SMYD5: variants seen among roughly 807,000 people sequenced by gnomAD.
The protein encoded by SMYD5 is protein-lysine N-trimethyltransferase SMYD5.
SMYD5 carries 35 observed loss-of-function variants against 57.4 expected under a neutral mutation model. The observed-to-expected ratio is 0.61, with a 90% CI of 0.47 to 0.81. The LOEUF (loss-of-function observed/expected upper bound fraction) is 0.81. SMYD5 is among the 30% of genes least tolerant of loss of function. SMYD5 has a pLI of 0.00. For missense variants in SMYD5, 471 were observed against 527.9 expected (o/e 0.89, Z 1.06); for synonymous variants, 198 against 189.7 (o/e 1.04, Z -0.36).
chr2:73,221,717 C>A, intron 5 of SMYD5, 109 bp from the exon 6 acceptor site: 1 of 758,004 alleles, frequency 1.3e-6, no homozygotes. Context: ...AAGCCTCAGG[C>A]AGAGGAAGGG....
rs748746353 is a variant in SMYD5 at position 73,223,999 on chromosome 2, C to T, written c.936C>T (p.Ser312=). 13 of 1,613,926 alleles carry T rather than the reference C, an allele frequency of 8.1e-6. No individual in the cohort carries two copies. The South Asian group carries it at 1.3e-4, about 16-fold the overall frequency. ...CEGSGLFVLQ[S]CCNHSCVPNA... ...GATCTGGCCTCTTTGTGCTTCAGAG[C>T]TGCTGTGAGTCATGGCGTTGAGGAG... is the stretch of plus-strand genomic sequence containing the variant. Residue 312 remains serine, a synonymous_variant, in exon 10 of 13, where the codon AGC becomes AGT. Transcript: ENST00000389501.
At chr2:73,219,794 A>T (rs1287844705) in intron 2 of SMYD5, 1 of 550,884 alleles carries the variant, frequency 1.8e-6, no homozygotes, top group African/African-American at 1.9e-5. Flanking sequence ...GAGTCTGATT[A>T]AGAAGCAAGG....
At chr2:73,221,361 TC>T in intron 5 of SMYD5, 127 bp downstream of exon 5, 1 of 739,570 alleles carries the variant, frequency 1.4e-6, no homozygotes, top group South Asian at 1.6e-5. Flanking sequence ...AAAGGAGAGC[TC>T]CTTGCTATGT....
chr2:73,216,650 G>A (rs1484523060), intron 1 of SMYD5, among the ~76,000 whole-genome samples: 1 of 152,148 alleles, frequency 6.6e-6, no homozygotes, highest in Non-Finnish European at 1.5e-5. Context: ...AGCTGAGGTC[G>A]TGCTACTGCA....
At chr2:73,216,302 T>G (rs549800010) in intron 1 of SMYD5, among the ~76,000 whole-genome samples, 1 of 152,276 alleles carries the variant, frequency 6.6e-6, no homozygotes, top group South Asian at 2.1e-4. Context: ...TTCCTTTAAT[T>G]CCAGCGCTTT....
rs184367772 is a variant in SMYD5 at position 73,226,914 on chromosome 2, C to G, written c.*968C>G. 132 of 152,792 alleles carry G rather than the reference C, an allele frequency of 8.6e-4. No individual in the cohort carries two copies. Among genetic ancestry groups the G allele is most frequent in the Non-Finnish European group, 1.5e-3 (99 of 68,092 alleles). 9.5% of individuals were successfully genotyped at this position (152,792 alleles called of 1,614,324 possible). A position where few individuals can be genotyped will look rare whatever the true frequency, so the allele number is the denominator to read the frequency against. On this transcript the variant is annotated 3_prime_UTR_variant, in exon 13 of 13. Coordinates refer to ENST00000389501, the MANE Select transcript of SMYD5 (RefSeq NM_006062.3). ...CCTCGAGGAGCTGGGCTAGATACTT[C>G]GAGAGTAGCCCTGTCTTGTCCCCTC...
Position 73,224,003 on chromosome 2 carries a change from T to C in SMYD5, c.940T>C (p.Cys314Arg). 1 of 1,614,014 alleles carries C rather than the reference T, an allele frequency of 6.2e-7. No individual in the cohort carries two copies. The highest frequency in any genetic ancestry group is 8.5e-7 in the Non-Finnish European group (1 of 1,179,848). ...GSGLFVLQSC[C>R]NHSCVPNAET... ...TGGCCTCTTTGTGCTTCAGAGCTGC[T>C]GTGAGTCATGGCGTTGAGGAGGGAT... The change falls in exon 10 of 13, where the codon TGC becomes CGC. Residue 314 changes from cysteine (C) to arginine (R), a missense_variant and splice_region_variant. By Grantham distance (180) the Cys-to-Arg change is radical (BLOSUM62 -3). Transcript: ENST00000389501.
At position 73,224,076 on chromosome 2, in the gene SMYD5, T is replaced by C. The variant is rs1007847810; in HGVS notation, c.940+73T>C. The stretch of plus-strand genomic sequence containing the variant: ...GCCAGGTGGCCTTGCAGCCACAGTT[T>C]ATCTTTCTCAGTTGGCCCTTTCTAG... On this transcript the variant is annotated intron_variant, in intron 10 of 12. Coordinates refer to ENST00000389501, the MANE Select transcript of SMYD5 (RefSeq NM_006062.3). The C allele has an allele frequency of 2.8e-5, 40 of 1,423,388 alleles. 1 individual carries two copies. The Admixed American group carries it at 6.5e-4, about 23-fold the overall frequency. The allele number at this position is 1,423,388 out of a possible 1,614,324, so 88.2% of individuals were successfully genotyped here.
intron 1 of SMYD5, chr2:73,214,601 A>G: frequency 1.3e-6 from 2 of 1,506,068 alleles, no homozygotes; most frequent in Non-Finnish European, 8.9e-7. Context: ...GAATTCGGCC[A>G]GCCCGCGGGA....
chr2:73,218,818 T>G (rs1686334199), intron 1 of SMYD5, 43 bp from the exon 2 acceptor site: 9 of 1,461,086 alleles, frequency 6.2e-6, no homozygotes, highest in Non-Finnish European at 8.6e-6. Flanking sequence ...GAGCTATGTC[T>G]TCTGTTCCTT....
intron 10 of SMYD5, among the ~76,000 whole-genome samples, chr2:73,224,361 C>T (rs1322483924): frequency 2.0e-5 from 3 of 152,094 alleles, no homozygotes; most frequent in African/African-American, 4.8e-5. Context: ...GGCTACAGGG[C>T]GAGTCTCATC....
rs372700666 is a variant in SMYD5, at chr2:73,218,709, G to A, written c.97-152G>A. The stretch of plus-strand genomic sequence containing the variant: ...TGTATTTCCAGAGGAGAAAGTTATG[G>A]AGGGTGCTAACCACTCTCCATGAAC... On this transcript the variant is annotated intron_variant, in intron 1 of 12. Transcript: ENST00000389501. 4 of 610,878 alleles carry A rather than the reference G, an allele frequency of 6.5e-6. No individual in the cohort carries two copies. The East Asian group carries it at 1.1e-4, about 17-fold the overall frequency. The allele number at this position is 610,878 out of a possible 1,614,324, so 37.8% of individuals were successfully genotyped here. A position where few individuals can be genotyped will look rare whatever the true frequency, so the allele number is the denominator to read the frequency against.
rs1686492284 is a variant in SMYD5 at position 73,225,877 on chromosome 2, GGAA to G, written c.1191_1193del (p.Glu403del). 5.6e-6 allele frequency: 9 copies of G among 1,614,064 alleles called. No individual in the cohort carries two copies. Among genetic ancestry groups the G allele is most frequent in the African/African-American group, 1.3e-5 (1 of 74,946 alleles). On this transcript the variant is annotated inframe_deletion, in exon 13 of 13. Coordinates refer to ENST00000389501, the MANE Select transcript of SMYD5 (RefSeq NM_006062.3). ...CCAATGTGACCTCAGAAGAGGAAGAGGAAGAGGAGGAGGAGGAGGAAGGAGAGC... is the reference window on the plus strand; with the variant it reads ...CCAATGTGACCTCAGAAGAGGAAGAGGAGGAGGAGGAGGAGGAAGGAGAGC...
intron 1 of SMYD5, among the ~76,000 whole-genome samples, chr2:73,218,582 T>A (rs1448810742): frequency 2.0e-5 from 3 of 152,230 alleles, no homozygotes; most frequent in Non-Finnish European, 4.4e-5. Flanking sequence ...TGAGAAAAAT[T>A]CTCTCAGTAA....
At chr2:73,217,250 C>G (rs1218838650) in intron 1 of SMYD5, among the ~76,000 whole-genome samples, 1 of 152,112 alleles carries the variant, frequency 6.6e-6, no homozygotes, top group African/African-American at 2.4e-5. Context: ...GCGCCCGGCC[C>G]AACCTTAATA....
intron 8 of SMYD5, 86 bp downstream of exon 8, chr2:73,223,192 G>A (rs1686430717): frequency 9.1e-7 from 1 of 1,094,262 alleles, no homozygotes; most frequent in East Asian, 2.4e-5. Context: ...GACTGGGATG[G>A]GGTAGGGTGG....
At chr2:73,225,344 C>G in intron 11 of SMYD5, 1 of 536,518 alleles carries the variant, frequency 1.9e-6, no homozygotes, top group Admixed American at 3.6e-5. Context: ...AGCATCATAC[C>G]AAGACCTCTG....
intron 10 of SMYD5, 30 bp downstream of exon 10, chr2:73,224,033 C>A (rs1170717715): frequency 6.2e-7 from 1 of 1,608,016 alleles, no homozygotes; most frequent in Non-Finnish European, 8.5e-7. Context: ...AGGGATGGTC[C>A]CAGGCGCTTC....
At chr2:73,219,966 C>A in intron 2 of SMYD5, 85 bp from the exon 3 acceptor site, 2 of 1,544,318 alleles carry the variant, frequency 1.3e-6, no homozygotes, top group East Asian at 4.5e-5. Context: ...GTGCCTGGCA[C>A]ATAGCAGCTG....
Sources: allele counts gnomAD v4.1 joint callset (sites outside exome capture counted in the v4.1 genomes callset), GRCh38; gene constraint gnomAD v4.1.1; transcripts MANE v1.5; gene names NCBI Gene and HGNC (gene_info 2026-07-23, HGNC 2026-07-21).